IL1RAPL1: variants seen among roughly 807,000 people sequenced by gnomAD.
IL1RAPL1 encodes the protein interleukin-1 receptor accessory protein-like 1.
IL1RAPL1 carries 3 observed loss-of-function variants against 48.4 expected under a neutral mutation model. The ratio of observed to expected loss-of-function variants is 0.06; its 90% CI spans 0.03 to 0.16. The LOEUF (loss-of-function observed/expected upper bound fraction) is 0.16. Among genes scored for constraint, IL1RAPL1 ranks in the 10% least tolerant of loss-of-function variants. IL1RAPL1 has a pLI of 1.00. For synonymous variants in IL1RAPL1, 185 were observed against 187.7 expected, an observed-to-expected ratio of 0.99 and a Z score of 0.12; for missense variants, 349 against 530.6, an observed-to-expected ratio of 0.66 and a Z score of 3.36.
chrX:29,866,762 T>C (rs191014228), intron 6 of IL1RAPL1, among the ~76,000 whole-genome samples: 180 of 108,456 alleles, frequency 1.7e-3, no homozygotes, highest in African/African-American at 5.8e-3. Context: ...GGACCAGTCT[T>C]GTTAACATTG....
intron 2 of IL1RAPL1, among the ~76,000 whole-genome samples, chrX:29,251,498 T>G (rs1931618321): frequency 8.9e-6 from 1 of 111,813 alleles, no homozygotes. Flanking sequence ...CACAAATACA[T>G]GTATGTATTC....
chrX:28,631,900 A>C (rs1453799717), intron 1 of IL1RAPL1, among the ~76,000 whole-genome samples: 1 of 112,554 alleles, frequency 8.9e-6, no homozygotes, highest in Non-Finnish European at 1.9e-5. Flanking sequence ...ACTCCGATTT[A>C]ATATTGGCAA....
intron 1 of IL1RAPL1, among the ~76,000 whole-genome samples, chrX:28,744,515 T>C (rs1270935822): frequency 4.5e-5 from 5 of 111,236 alleles, no homozygotes; most frequent in Non-Finnish European, 9.4e-5. Flanking sequence ...GTGATGCTTT[T>C]GCAGTTTTGG....
At position 28,790,738 on chromosome X, in the gene IL1RAPL1, A is replaced by G. The variant is rs774921064; in HGVS notation, c.82+1313A>G. On this transcript the variant is annotated intron_variant, in intron 2 of 10. Coordinates refer to ENST00000378993, the MANE Select transcript of IL1RAPL1 (RefSeq NM_014271.4). Reference sequence around the variant, plus strand: ...TCTGAATGAGATAAAACCCTAGGGCAGGATTATGATGTTGTGGTTTATGTA... The same window carrying G: ...TCTGAATGAGATAAAACCCTAGGGCGGGATTATGATGTTGTGGTTTATGTA... Among the ~76,000 whole-genome samples, 3 of 112,425 alleles carry G rather than the reference A, an allele frequency of 2.7e-5. 1 individual carries two copies. In the South Asian group the frequency reaches 1.1e-3, roughly 42 times the overall value.
At chrX:29,651,893 A>G (rs1306184849) in intron 5 of IL1RAPL1, among the ~76,000 whole-genome samples, 1 of 111,837 alleles carries the variant, frequency 8.9e-6, no homozygotes, top group African/African-American at 3.2e-5. Context: ...GATACATACA[A>G]TGTTATCTGT....
At chrX:29,399,001 GATTTTGA>G (rs1419421787) in intron 4 of IL1RAPL1, among the ~76,000 whole-genome samples, 147 bp from the exon 5 acceptor site, 2 of 112,241 alleles carry the variant, frequency 1.8e-5, no homozygotes, top group African/African-American at 6.5e-5. Flanking sequence ...ATTCCCCAGA[GATTTTGA>G]GAAGAAATGA....
rs1180678149 is a variant in IL1RAPL1 at position 29,027,395 on chromosome X, A to G, written c.82+237970A>G. Among the ~76,000 whole-genome samples the G allele has an allele frequency of 2.7e-5, 3 of 112,062 alleles. No individual in the cohort carries two copies. The Admixed American group carries it at 2.8e-4, about 11-fold the overall frequency. On this transcript the variant is annotated intron_variant, in intron 2 of 10. Coordinates refer to ENST00000378993, the MANE Select transcript of IL1RAPL1 (RefSeq NM_014271.4). The stretch of plus-strand genomic sequence containing the variant: ...TAGCTCATTTGTTTTTGACATGAAT[A>G]ATATTCCACTTTCTGGTTGTACCAC...
chrX:29,709,552 G>A (rs2147119844), intron 6 of IL1RAPL1, among the ~76,000 whole-genome samples: 1 of 111,296 alleles, frequency 9.0e-6, no homozygotes, highest in African/African-American at 3.3e-5. Flanking sequence ...GGACCATACT[G>A]TTTTGATTAC....
At chrX:28,762,786 G>GCGCGCACACACACA (rs1366464632) in intron 1 of IL1RAPL1, among the ~76,000 whole-genome samples, 42 of 62,960 alleles carry the variant, frequency 6.7e-4, no homozygotes, top group African/African-American at 2.5e-3. Flanking sequence ...GCACGCGCGC[G>GCGCGCACACACACA]CACACACACA....
intron 5 of IL1RAPL1, among the ~76,000 whole-genome samples, chrX:29,557,244 C>T (rs1229192187): frequency 9.0e-6 from 1 of 111,491 alleles, no homozygotes; most frequent in African/African-American, 3.3e-5. Flanking sequence ...TGGTCTTAGG[C>T]GGTCAAGAAT....
intron 2 of IL1RAPL1, among the ~76,000 whole-genome samples, chrX:28,947,197 T>TGTGTGTATGTATGTAC (rs1924327533): frequency 8.9e-6 from 1 of 111,931 alleles, no homozygotes; most frequent in Non-Finnish European, 1.9e-5. Context: ...CTAAAAGATG[T>TGTGTGTATGTATGTAC]GTGTGTATGT....
At chrX:29,729,108 T>C (rs1249772809) in intron 6 of IL1RAPL1, among the ~76,000 whole-genome samples, 1 of 111,421 alleles carries the variant, frequency 9.0e-6, no homozygotes, top group Non-Finnish European at 1.9e-5. Context: ...AGAGACATCA[T>C]ATAGTCAGTT....
intron 2 of IL1RAPL1, among the ~76,000 whole-genome samples, chrX:29,016,898 C>A (rs1171940631): frequency 9.0e-6 from 1 of 110,982 alleles, no homozygotes; most frequent in Non-Finnish European, 1.9e-5. Context: ...TATGTATTTA[C>A]AATAGGTCCA....
chrX:29,571,788 G>T, intron 5 of IL1RAPL1, among the ~76,000 whole-genome samples: 1 of 111,573 alleles, frequency 9.0e-6, no homozygotes, highest in Non-Finnish European at 1.9e-5. Context: ...AATCATCTTA[G>T]ACTTTATGTC....
At chrX:28,975,330 C>T (rs1397371176) in intron 2 of IL1RAPL1, among the ~76,000 whole-genome samples, 2 of 111,903 alleles carry the variant, frequency 1.8e-5, no homozygotes, top group African/African-American at 3.2e-5. Context: ...CTCTGTGATA[C>T]CATCTTTCAA....
chrX:29,372,173 T>C (rs762272804), intron 3 of IL1RAPL1, among the ~76,000 whole-genome samples: 1 of 112,419 alleles, frequency 8.9e-6, no homozygotes, highest in East Asian at 2.8e-4. Context: ...TCTCTGATAA[T>C]TAGTGATGAT....
chrX:29,345,876 A>G (rs925363866), intron 3 of IL1RAPL1, among the ~76,000 whole-genome samples: 3 of 112,184 alleles, frequency 2.7e-5, no homozygotes, highest in Non-Finnish European at 5.6e-5. Context: ...TCAAACAACT[A>G]TGGAATATTA....
intron 2 of IL1RAPL1, among the ~76,000 whole-genome samples, chrX:28,856,556 G>A (rs936628365): frequency 9.0e-6 from 1 of 111,314 alleles, no homozygotes; most frequent in African/African-American, 3.3e-5. Flanking sequence ...TGCTCACTTT[G>A]TGTCTCCGTG....
intron 1 of IL1RAPL1, among the ~76,000 whole-genome samples, chrX:28,740,963 G>A (rs148550804): frequency 8.9e-5 from 10 of 111,908 alleles, no homozygotes; most frequent in South Asian, 3.8e-4. Flanking sequence ...ATATGAGTGC[G>A]TGTGTGTTTG....
Sources: gnomAD v4.1 joint callset for allele counts (sites outside exome capture counted in the v4.1 genomes callset) on GRCh38, gnomAD v4.1.1 for gene constraint, MANE v1.5 for transcripts, NCBI Gene and HGNC (gene_info 2026-07-23, HGNC 2026-07-21) for gene names.